CFTR: variants seen among roughly 807,000 people sequenced by gnomAD.
The protein encoded by CFTR is cystic fibrosis transmembrane conductance regulator.
Under a neutral mutation model 171.6 loss-of-function variants are expected in CFTR, and 181 were observed. That is an observed-to-expected ratio of 1.05 (90% CI 0.93 to 1.19). CFTR has a LOEUF of 1.19. Ranked by LOEUF, CFTR falls within the 50% of genes most tolerant of loss-of-function variation. The pLI is 0.00. For synonymous variants in CFTR, 583 were observed against 608.0 expected (o/e 0.96, Z 0.60); for missense variants, 1,968 against 1,734.7 (o/e 1.13, Z -2.39).
intron 22 of CFTR, among the ~76,000 whole-genome samples, chr7:117,631,203 G>A (rs1029377250): frequency 6.6e-6 from 1 of 152,076 alleles, no homozygotes; most frequent in Non-Finnish European, 1.5e-5. Flanking sequence ...GGTAGATTTT[G>A]CTATTAGGTG....
At chr7:117,480,318 G>A (rs1223920763) in intron 1 of CFTR, among the ~76,000 whole-genome samples, 171 bp downstream of exon 1, 4 of 152,226 alleles carry the variant, frequency 2.6e-5, no homozygotes, top group African/African-American at 9.6e-5. Context: ...AAAGCATTAA[G>A]AAGAGATGGA....
At chr7:117,641,669 T>C (rs1042133599) in intron 22 of CFTR, among the ~76,000 whole-genome samples, 4 of 152,176 alleles carry the variant, frequency 2.6e-5, no homozygotes, top group African/African-American at 7.2e-5. Context: ...GAACACAGAG[T>C]TGGGGCTCTC....
chr7:117,652,896 T>G lies in CFTR; in HGVS notation c.3928T>G (p.Trp1310Gly), dbSNP rs573448832. ...AAAAAACTTGGATCCCTATGAACAG[T>G]GGAGTGATCAAGAAATATGGAAAGT... ...FRKNLDPYEQ[W>G]SDQEIWKVAD... Residue 1310 changes from tryptophan to glycine, a missense_variant, in exon 24 of 27, where the codon TGG (tryptophan) becomes GGG (glycine). Trp to Gly is a radical substitution (Grantham distance 184, BLOSUM62 -2). Transcript: ENST00000003084. 1 of 1,606,260 alleles carries G rather than the reference T, an allele frequency of 6.2e-7. No individual in the cohort carries two copies. The highest frequency in any genetic ancestry group is 2.2e-5 in the East Asian group (1 of 44,780).
chr7:117,491,589 A>G (rs1288385762), intron 1 of CFTR, among the ~76,000 whole-genome samples: 1 of 151,906 alleles, frequency 6.6e-6, no homozygotes, highest in Non-Finnish European at 1.5e-5. Flanking sequence ...AATCCTTGGC[A>G]TTCCTTGACT....
chr7:117,546,398 G>T (rs146404122), intron 9 of CFTR, among the ~76,000 whole-genome samples: 1 of 152,040 alleles, frequency 6.6e-6, no homozygotes, highest in African/African-American at 2.4e-5. Flanking sequence ...GACACCCCAA[G>T]TGCAGGGATT....
intron 2 of CFTR, among the ~76,000 whole-genome samples, chr7:117,506,189 G>T (rs1044484356): frequency 5.3e-5 from 8 of 152,100 alleles, no homozygotes; most frequent in Non-Finnish European, 1.0e-4. Context: ...TCCATTGCAG[G>T]TATATTGACA....
At chr7:117,565,322 A>G (rs1006361843) in intron 11 of CFTR, among the ~76,000 whole-genome samples, 4 of 152,202 alleles carry the variant, frequency 2.6e-5, no homozygotes, top group African/African-American at 9.7e-5. Flanking sequence ...GACAGAGTAC[A>G]CTGTTCTCTT....
chr7:117,571,355 A>G (rs1320461557), intron 11 of CFTR, among the ~76,000 whole-genome samples: 2 of 152,210 alleles, frequency 1.3e-5, no homozygotes, highest in Non-Finnish European at 2.9e-5. Flanking sequence ...CTGAGAAAAG[A>G]GTTTTTTTCA....
intron 2 of CFTR, among the ~76,000 whole-genome samples, chr7:117,507,962 G>C (rs891273290): frequency 4.6e-5 from 7 of 152,100 alleles, no homozygotes; most frequent in African/African-American, 1.4e-4. Flanking sequence ...TTTTTGTAGA[G>C]ACGGGGTTTT....
At chr7:117,586,061 C>CCTT (rs1237875440) in intron 11 of CFTR, 7 of 152,200 alleles carry the variant, frequency 4.6e-5, no homozygotes, top group Admixed American at 1.3e-4. Context: ...TTCAGCCTCA[C>CCTT]TAAAGGAGCA....
intron 10 of CFTR, among the ~76,000 whole-genome samples, chr7:117,556,521 T>C (rs1200075385): frequency 2.6e-4 from 31 of 120,282 alleles, no homozygotes; most frequent in African/African-American, 8.4e-4. Flanking sequence ...TCTTTTTTTT[T>C]TTTTTTTTTT....
At chr7:117,570,122 G>A (rs772483990) in intron 11 of CFTR, among the ~76,000 whole-genome samples, 1 of 149,940 alleles carries the variant, frequency 6.7e-6, no homozygotes, top group Non-Finnish European at 1.5e-5. Flanking sequence ...TACGGTTCCA[G>A]TATAGTACTC....
chr7:117,611,907 G>T, intron 20 of CFTR, 99 bp downstream of exon 20: 1 of 768,334 alleles, frequency 1.3e-6, no homozygotes, highest in Non-Finnish European at 2.1e-6. Context: ...GATATCTTTA[G>T]AGTTTAGTAA....
chr7:117,637,140 T>C (rs1211316120), intron 22 of CFTR, among the ~76,000 whole-genome samples: 2 of 152,076 alleles, frequency 1.3e-5, no homozygotes, highest in South Asian at 4.1e-4. Flanking sequence ...TCATAGTTGT[T>C]TTAAATTCCT....
intron 11 of CFTR, among the ~76,000 whole-genome samples, chr7:117,576,423 G>A (rs1180434561): frequency 2.0e-5 from 3 of 152,044 alleles, no homozygotes; most frequent in Non-Finnish European, 4.4e-5. Context: ...AAAGTATACA[G>A]GAAGATGTGC....
At position 117,627,775 on chromosome 7, in the gene CFTR, G is replaced by A. The variant is rs193922520; in HGVS notation, c.3717+5G>A. The A allele has an allele frequency of 6.2e-7, 1 of 1,609,752 alleles. No homozygotes were observed. The highest frequency in any genetic ancestry group is 1.1e-5 in the South Asian group (1 of 90,972). ...TCAATAAGTCCTGGCCAGAGGGTGA[G>A]ATTTGAACACTGCTTGCTTTGTTAG... is the stretch of plus-strand genomic sequence containing the variant. On this transcript the variant is annotated splice_donor_5th_base_variant and intron_variant, in intron 22 of 26. Transcript: ENST00000003084.
At chr7:117,590,462 T>A in intron 13 of CFTR, 23 bp downstream of exon 13, 1 of 1,592,112 alleles carries the variant, frequency 6.3e-7, no homozygotes, top group Non-Finnish European at 8.6e-7. Flanking sequence ...AATACCTTAC[T>A]TATAATGCTC....
At position 117,536,662 on chromosome 7, in the gene CFTR, AAACTT is replaced by A. The variant is rs397508805; in HGVS notation, c.861_865del (p.Asn287LysfsTer19). On this transcript the variant is annotated frameshift_variant, in exon 7 of 27. Coordinates refer to ENST00000003084, the MANE Select transcript of CFTR (RefSeq NM_000492.4). LOFTEE classifies it high-confidence loss of function. Reference sequence around the variant, plus strand: ...AAGAAGCAATGGAAAAAATGATTGAAAACTTAAGACAGTAAGTTGTTCCAATAATT... The same window carrying A: ...AAGAAGCAATGGAAAAAATGATTGAAAAGACAGTAAGTTGTTCCAATAATT... 1.2e-6 allele frequency: 2 copies of A among 1,611,424 alleles called. No individual in the cohort carries two copies. The highest frequency in any genetic ancestry group is 1.7e-6 in the Non-Finnish European group (2 of 1,179,016).
intron 11 of CFTR, among the ~76,000 whole-genome samples, chr7:117,580,203 T>C (rs887440877): frequency 2.6e-5 from 4 of 152,082 alleles, no homozygotes; most frequent in African/African-American, 9.7e-5. Flanking sequence ...AAAAAGGTTT[T>C]TAACATCTAT....
Sources: allele counts gnomAD v4.1 joint callset (sites outside exome capture counted in the v4.1 genomes callset), GRCh38; gene constraint gnomAD v4.1.1; transcripts MANE v1.5; gene names NCBI Gene and HGNC (gene_info 2026-07-23, HGNC 2026-07-21).